The following PTPN14 variants were observed in gnomAD, a reference collection of about 807,000 sequenced individuals.
PTPN14 encodes the protein protein tyrosine phosphatase non-receptor type 14.
PTPN14 carries 53 observed loss-of-function variants against 126.8 expected under a neutral mutation model. The observed-to-expected ratio is 0.42, with a 90% CI of 0.34 to 0.53. PTPN14 has a LOEUF of 0.53. Ranked by LOEUF, PTPN14 falls within the 20% of genes least tolerant of loss-of-function variation. The pLI is 0.08. For missense variants in PTPN14, 1,257 were observed against 1,552.9 expected, an observed-to-expected ratio of 0.81 and a Z score of 3.20; for synonymous variants, 630 against 599.3, an observed-to-expected ratio of 1.05 and a Z score of -0.75.
At chr1:214,532,510 G>A (rs1655578631) in intron 1 of PTPN14, 3 of 937,244 alleles carry the variant, frequency 3.2e-6, no homozygotes, top group Non-Finnish European at 5.3e-6. Flanking sequence ...AGGCTGGAGA[G>A]CAAAATCTGG....
intron 1 of PTPN14, among the ~76,000 whole-genome samples, chr1:214,521,615 TGA>T (rs942879558): frequency 1.6e-4 from 24 of 152,164 alleles, no homozygotes; most frequent in African/African-American, 5.5e-4. Flanking sequence ...CTCAGGAGGC[TGA>T]GACAGGAGAA....
At chr1:214,445,444 A>G (rs1432391442) in intron 3 of PTPN14, among the ~76,000 whole-genome samples, 3 of 152,178 alleles carry the variant, frequency 2.0e-5, no homozygotes, top group African/African-American at 4.8e-5. Flanking sequence ...GATGTCCTGG[A>G]AAAGTAGGAA....
At chr1:214,397,474 A>G (rs1302955309) in intron 8 of PTPN14, among the ~76,000 whole-genome samples, 2 of 152,242 alleles carry the variant, frequency 1.3e-5, no homozygotes, top group Non-Finnish European at 2.9e-5. Context: ...AATAATGAAA[A>G]GTACCAAAGC....
At chr1:214,449,873 A>G (rs1660233802) in intron 3 of PTPN14, among the ~76,000 whole-genome samples, 1 of 151,918 alleles carries the variant, frequency 6.6e-6, no homozygotes, top group Admixed American at 6.6e-5. Context: ...AACGAAAGTG[A>G]AAAAAATAAG....
At chr1:214,443,405 G>T (rs2102623647) in intron 3 of PTPN14, among the ~76,000 whole-genome samples, 1 of 152,202 alleles carries the variant, frequency 6.6e-6, no homozygotes, top group Non-Finnish European at 1.5e-5. Flanking sequence ...ATGGTTACCA[G>T]CGCTACATTT....
intron 3 of PTPN14, among the ~76,000 whole-genome samples, chr1:214,435,779 G>A (rs1325895852): frequency 1.3e-5 from 2 of 152,204 alleles, no homozygotes; most frequent in Non-Finnish European, 2.9e-5. Context: ...CTTATACACT[G>A]CTGGTGGGAA....
intron 18 of PTPN14, among the ~76,000 whole-genome samples, chr1:214,360,092 T>C (rs1417774006): frequency 6.6e-6 from 1 of 152,142 alleles, no homozygotes; most frequent in Non-Finnish European, 1.5e-5. Context: ...CTCTGGGAGC[T>C]CTTAACCCAG....
intron 1 of PTPN14, among the ~76,000 whole-genome samples, chr1:214,548,655 C>G (rs1344718125): frequency 6.6e-6 from 1 of 152,082 alleles, no homozygotes; most frequent in Non-Finnish European, 1.5e-5. Context: ...CCCAGGGGGG[C>G]TATAATATGT....
chr1:214,372,967 T>C (rs1388441486), intron 15 of PTPN14, 128 bp from the exon 16 acceptor site: 19 of 1,328,550 alleles, frequency 1.4e-5, no homozygotes, highest in Admixed American at 9.6e-5. Flanking sequence ...ATTAGTTCAA[T>C]GAACAAAAAC....
At chr1:214,369,096 T>C (rs1358353795) in intron 17 of PTPN14, among the ~76,000 whole-genome samples, 1 of 152,224 alleles carries the variant, frequency 6.6e-6, no homozygotes, top group Non-Finnish European at 1.5e-5. Flanking sequence ...TGGAATCACA[T>C]AGTTTTTGTC....
At chr1:214,496,531 C>T (rs930256615) in intron 1 of PTPN14, among the ~76,000 whole-genome samples, 1 of 152,202 alleles carries the variant, frequency 6.6e-6, no homozygotes, top group Admixed American at 6.5e-5. Context: ...TGTGGGTTTT[C>T]TGTTTCTTGT....
rs1004384857 is a variant in PTPN14, at chr1:214,439,092, G to GT, written c.344+12712dup. Among the ~76,000 whole-genome samples the GT allele has an allele frequency of 1.4e-4, 21 of 151,600 alleles. No individual in the cohort carries two copies. The Middle Eastern group carries it at 0.01, about 74-fold the overall frequency. Reference sequence around the variant, plus strand: ...ATTAATGTATGTTCTCCTTTGTAGTGTTTTTTTTATTGTTTTATTTCCAGC... The same window carrying GT: ...ATTAATGTATGTTCTCCTTTGTAGTGTTTTTTTTTATTGTTTTATTTCCAGC... On this transcript the variant is annotated intron_variant, in intron 3 of 18. Coordinates refer to ENST00000366956, the MANE Select transcript of PTPN14 (RefSeq NM_005401.5).
At position 214,546,903 on chromosome 1, in the gene PTPN14, G is replaced by A. The variant is rs971943638; in HGVS notation, c.-155+4280C>T. Among the ~76,000 whole-genome samples, 2 of 152,046 alleles carry A rather than the reference G, an allele frequency of 1.3e-5. 1 individual carries two copies. The highest frequency in any genetic ancestry group is 2.9e-5 in the Non-Finnish European group (2 of 68,010). The stretch of plus-strand genomic sequence containing the variant: ...TGTTTTTTCCAATTGCAAGGATCCT[G>A]AAGAAAATCAAACAAAAGCTTGAGG... On this transcript the variant is annotated intron_variant, in intron 1 of 18. Transcript: ENST00000366956.
chr1:214,384,984 G>T lies in PTPN14; in HGVS notation c.1067-196C>A, dbSNP rs1658575002. On this transcript the variant is annotated intron_variant, in intron 12 of 18. Coordinates refer to ENST00000366956, the MANE Select transcript of PTPN14 (RefSeq NM_005401.5). This position sits in a 1 kb window ranked among gnomAD's most constrained non-coding sequence, Gnocchi z 5.3. ...CCAACATACAGAAAGAACACCTTAA[G>T]ACATACTGAAAAGAAAAAGGGAACC... Among the ~76,000 whole-genome samples the T allele has an allele frequency of 6.6e-6, 1 of 152,226 alleles. No individual in the cohort carries two copies. Among genetic ancestry groups the T allele is most frequent in the South Asian group, 2.1e-4 (1 of 4,824 alleles).
At chr1:214,456,345 AAC>A (rs1399231702) in intron 2 of PTPN14, among the ~76,000 whole-genome samples, 2 of 152,248 alleles carry the variant, frequency 1.3e-5, no homozygotes, top group Non-Finnish European at 2.9e-5. Context: ...TACAAGCACG[AAC>A]AGTTTCACTG....
Position 214,514,357 on chromosome 1 carries a change from T to TA in PTPN14, c.-155+36825_-155+36826insT, listed in dbSNP as rs1463375271. 3.9e-5 allele frequency among the ~76,000 whole-genome samples: 6 copies of TA among 152,190 alleles called. No individual in the cohort carries two copies. The South Asian group carries it at 1.2e-3, about 31-fold the overall frequency. ...ATGCCGCATGTATGGGTCCTACTGA[T>TA]GCATAAGAATTGCTCTGGGCCACTC... On this transcript the variant is annotated intron_variant, in intron 1 of 18. Transcript: ENST00000366956.
intron 2 of PTPN14, among the ~76,000 whole-genome samples, chr1:214,456,734 A>AC (rs1396856465): frequency 6.6e-6 from 1 of 152,160 alleles, no homozygotes; most frequent in Non-Finnish European, 1.5e-5. Flanking sequence ...CGAATAGTTC[A>AC]CCCACAATCT....
chr1:214,519,899 T>C (rs1571641520), intron 1 of PTPN14, among the ~76,000 whole-genome samples: 1 of 151,526 alleles, frequency 6.6e-6, no homozygotes, highest in South Asian at 2.1e-4. Flanking sequence ...AATAAAAAAT[T>C]AGCTGGGCAT....
intron 1 of PTPN14, among the ~76,000 whole-genome samples, chr1:214,498,000 T>C (rs1184383173): frequency 6.6e-6 from 1 of 152,188 alleles, no homozygotes; most frequent in Non-Finnish European, 1.5e-5. Context: ...TTCTGGGTGA[T>C]TTTTATTTTC....
Sources: allele counts gnomAD v4.1 joint callset (sites outside exome capture counted in the v4.1 genomes callset), GRCh38; gene constraint gnomAD v4.1.1; non-coding constraint Gnocchi (gnomAD v3.1); transcripts MANE v1.5; gene names NCBI Gene and HGNC (gene_info 2026-07-23, HGNC 2026-07-21).